MMUT: variants seen among roughly 807,000 people sequenced by gnomAD.
The protein encoded by MMUT is methylmalonyl-CoA mutase, mitochondrial.
In MMUT, 79 loss-of-function variants were observed where a neutral mutation model predicts 79.9. The observed-to-expected ratio is 0.99, with a 90% CI of 0.82 to 1.19. MMUT has a LOEUF of 1.19. Ranked by LOEUF, MMUT falls within the 50% of genes most tolerant of loss-of-function variation. The pLI, the probability that MMUT is intolerant of heterozygous loss-of-function variation, is 0.00. For missense variants in MMUT, 860 were observed against 917.2 expected (o/e 0.94, Z 0.81); for synonymous variants, 273 against 295.7 (o/e 0.92, Z 0.79).
intron 3 of MMUT, 93 bp from the exon 4 acceptor site, chr6:49,456,330 T>A: frequency 1.1e-6 from 1 of 885,204 alleles, no homozygotes; most frequent in Non-Finnish European, 1.8e-6. Flanking sequence ...TATTTTAAAA[T>A]GATGTTAAAT....
intron 9 of MMUT, chr6:49,443,739 C>T: frequency 2.4e-6 from 1 of 416,242 alleles, no homozygotes. Flanking sequence ...GATTTAATGT[C>T]TTCTCACAAA....
At chr6:49,454,928 C>T (rs1767649275) in intron 4 of MMUT, among the ~76,000 whole-genome samples, 1 of 152,052 alleles carries the variant, frequency 6.6e-6, no homozygotes, top group African/African-American at 2.4e-5. Context: ...CACCTGTAGT[C>T]ACAGCTACTT....
intron 5 of MMUT, among the ~76,000 whole-genome samples, chr6:49,452,165 T>C (rs1201840349): frequency 1.3e-5 from 2 of 152,210 alleles, no homozygotes; most frequent in Admixed American, 1.3e-4. Flanking sequence ...ATTTGAGTTC[T>C]AGTTTATTGC....
In MMUT at chr6:49,459,345, G is replaced by C. The variant is rs1371693978; in HGVS notation, c.122C>G (p.Pro41Arg). 2 of 1,614,046 alleles carry C rather than the reference G, an allele frequency of 1.2e-6. No homozygotes were observed. Among genetic ancestry groups the C allele is most frequent in the East Asian group, 2.2e-5 (1 of 44,864 alleles). The change falls in exon 2 of 13, where the codon CCA (proline) becomes CGA (arginine). Residue 41 changes from proline to arginine, a missense_variant. Coordinates refer to ENST00000274813, the MANE Select transcript of MMUT (RefSeq NM_000255.4). ...CTTTTTAGCCAGGGCAGCCCATTCTGGGTGAAGGGGCTGTTGCTGGTGTAG... is the reference window on the plus strand; with the variant it reads ...CTTTTTAGCCAGGGCAGCCCATTCTCGGTGAAGGGGCTGTTGCTGGTGTAG... ...RLLHQQQPLH[P>R]EWAALAKKQL...
chr6:49,461,106 G>A (rs1581837579), intron 1 of MMUT, among the ~76,000 whole-genome samples: 1 of 152,272 alleles, frequency 6.6e-6, no homozygotes, highest in East Asian at 1.9e-4. Context: ...ATTTCATGTA[G>A]TTATCAAAAT....
At chr6:49,440,129 G>T in intron 11 of MMUT, 77 bp downstream of exon 11, 1 of 1,561,948 alleles carries the variant, frequency 6.4e-7, no homozygotes, top group Non-Finnish European at 8.8e-7. Flanking sequence ...CTCAATGTCT[G>T]TCATCATTTT....
rs1766947590 is a variant in MMUT, at chr6:49,430,524, A to C, written c.*1204T>G. On this transcript the variant is annotated 3_prime_UTR_variant, in exon 13 of 13. Transcript: ENST00000274813. ...GGACTTGAAGTCAGTGTTCATCTGA[A>C]AATGGGAACAATAATCATGACAATA... 1 of 152,224 alleles carries C rather than the reference A, an allele frequency of 6.6e-6. No individual in the cohort carries two copies. Among genetic ancestry groups the C allele is most frequent in the African/African-American group, 2.4e-5 (1 of 41,456 alleles). The allele number at this position is 152,224 out of a possible 1,614,324, so 9.4% of individuals were successfully genotyped here.
rs1372762590 is a variant in MMUT, at chr6:49,440,203, T to C, written c.1956+3A>G. On this transcript the variant is annotated splice_donor_region_variant and intron_variant, in intron 11 of 12. Coordinates refer to ENST00000274813, the MANE Select transcript of MMUT (RefSeq NM_000255.4). ...TGAAATTCCCCCCAACAGTTTTTAGTACCTGGAAAAGAGGGCCTATGTCCA... is the reference window on the plus strand; with the variant it reads ...TGAAATTCCCCCCAACAGTTTTTAGCACCTGGAAAAGAGGGCCTATGTCCA... 2 of 1,613,994 alleles carry C rather than the reference T, an allele frequency of 1.2e-6. No individual in the cohort carries two copies. Among genetic ancestry groups the C allele is most frequent in the Admixed American group, 1.7e-5 (1 of 60,002 alleles).
chr6:49,441,305 CTAAA>C (rs1202129466), intron 10 of MMUT, among the ~76,000 whole-genome samples: 2 of 151,958 alleles, frequency 1.3e-5, no homozygotes, highest in Admixed American at 1.3e-4. Flanking sequence ...TAGATGCCAA[CTAAA>C]TGTTTACTTT....
chr6:49,440,313 G>C lies in MMUT; in HGVS notation c.1849C>G (p.Leu617Val). The C allele has an allele frequency of 6.2e-7, 1 of 1,614,016 alleles. No individual in the cohort carries two copies. The highest frequency in any genetic ancestry group is 1.7e-4 in the Middle Eastern group (1 of 6,060). The stretch of plus-strand genomic sequence containing the variant: ...TCTTGTCCCATTTTTGCTACAAGAA[G>C]ACGAGGTCTGCGACCTTCACGTTCC... ...FMEREGRRPR[L>V]LVAKMGQDGH... The change falls in exon 11 of 13, where the codon CTT becomes GTT. Residue 617 changes from leucine (L) to valine (V), a missense_variant. By Grantham distance (32) the Leu-to-Val change is conservative. Coordinates refer to ENST00000274813, the MANE Select transcript of MMUT (RefSeq NM_000255.4).
In MMUT at chr6:49,431,588, T is replaced by C; in HGVS notation, c.*140A>G. ...TACTTATAGCATGACACCAGGCCTATAAGTAAGGTATTTTAAAGTAAAGCT... is the reference window on the plus strand; with the variant it reads ...TACTTATAGCATGACACCAGGCCTACAAGTAAGGTATTTTAAAGTAAAGCT... On this transcript the variant is annotated 3_prime_UTR_variant, in exon 13 of 13. Coordinates refer to ENST00000274813, the MANE Select transcript of MMUT (RefSeq NM_000255.4). 1.2e-6 allele frequency: 1 copy of C among 846,814 alleles called. No individual in the cohort carries two copies. Among genetic ancestry groups the C allele is most frequent in the Non-Finnish European group, 1.9e-6 (1 of 535,680 alleles). The allele number at this position is 846,814 out of a possible 1,614,324, so 52.5% of individuals were successfully genotyped here.
intron 8 of MMUT, among the ~76,000 whole-genome samples, chr6:49,446,352 A>G (rs944003149): frequency 2.6e-5 from 4 of 151,974 alleles, no homozygotes; most frequent in Non-Finnish European, 4.4e-5. Flanking sequence ...ATTTTGCTAT[A>G]AAAATATCTG....
intron 8 of MMUT, 31 bp from the exon 9 acceptor site, chr6:49,444,785 T>A (rs768189807): frequency 2.0e-6 from 3 of 1,522,702 alleles, no homozygotes; most frequent in South Asian, 2.2e-5. Context: ...AGGGACAATT[T>A]ACATGAAGAG....
intron 12 of MMUT, among the ~76,000 whole-genome samples, chr6:49,432,449 G>A (rs1265422135): frequency 3.3e-5 from 5 of 151,728 alleles, no homozygotes; most frequent in Non-Finnish European, 4.4e-5. Context: ...GTGCAGTGGC[G>A]CTATCTCGGC....
In MMUT at chr6:49,430,953, T is replaced by G. The variant is rs886061553; in HGVS notation, c.*775A>C. 1 of 151,928 alleles carries G rather than the reference T, an allele frequency of 6.6e-6. No homozygotes were observed. Among genetic ancestry groups the G allele is most frequent in the Non-Finnish European group, 1.5e-5 (1 of 67,978 alleles). 9.4% of individuals were successfully genotyped at this position (151,928 alleles called of 1,614,324 possible). On this transcript the variant is annotated 3_prime_UTR_variant, in exon 13 of 13. Transcript: ENST00000274813. ...TAGCATCTTTCTAGATCTGGAAAGT[T>G]GAATTCTTTCTATATCACAGACCTA...
At position 49,432,575 on chromosome 6, in the gene MMUT, C is replaced by G. The variant is rs370985259; in HGVS notation, c.2125-719G>C. 7.2e-5 allele frequency among the ~76,000 whole-genome samples: 11 copies of G among 151,998 alleles called. 1 individual carries two copies. The highest frequency in any genetic ancestry group is 1.9e-4 in the East Asian group (1 of 5,136). The stretch of plus-strand genomic sequence containing the variant: ...GCTAATTTTTTGTATTTTTAGTAGA[C>G]ACAGGGTTTCACCACGTTAGCCAGG... On this transcript the variant is annotated intron_variant, in intron 12 of 12. Coordinates refer to ENST00000274813, the MANE Select transcript of MMUT (RefSeq NM_000255.4).
intron 4 of MMUT, among the ~76,000 whole-genome samples, chr6:49,455,739 AT>A (rs1389113460): frequency 1.3e-5 from 2 of 152,228 alleles, no homozygotes; most frequent in Non-Finnish European, 2.9e-5. Flanking sequence ...AGAAAAAAAA[AT>A]AATAATAGAT....
Position 49,451,583 on chromosome 6 carries a change from G to A in MMUT, c.1215C>T (p.Ala405=), listed in dbSNP as rs771127051. The A allele has an allele frequency of 1.2e-6, 2 of 1,614,084 alleles. No homozygotes were observed. Among genetic ancestry groups the A allele is most frequent in the Non-Finnish European group, 1.7e-6 (2 of 1,180,008 alleles). Residue 405 remains alanine (A), a synonymous_variant, in exon 6 of 13, where the codon GCC becomes GCT. Coordinates refer to ENST00000274813, the MANE Select transcript of MMUT (RefSeq NM_000255.4). ...GLPTVKSARI[A]RNTQIIIQEE... is the part of the protein sequence containing the mutation. ...CTTGAATGATGATTTGTGTGTTCCT[G>A]GCAATTCGAGCACTTTTCACAGTTG...
At chr6:49,448,047 A>G (rs1418035844) in intron 7 of MMUT, among the ~76,000 whole-genome samples, 1 of 151,966 alleles carries the variant, frequency 6.6e-6, no homozygotes, top group Non-Finnish European at 1.5e-5. Flanking sequence ...TTTCTAATAA[A>G]TCTTTTAACA....
Sources: allele counts gnomAD v4.1 joint callset (sites outside exome capture counted in the v4.1 genomes callset), GRCh38; gene constraint gnomAD v4.1.1; transcripts MANE v1.5; gene names NCBI Gene and HGNC (gene_info 2026-07-23, HGNC 2026-07-21).